Variants in C5orf34 observed in about 807,000 individuals in gnomAD.
C5orf34 encodes chromosome 5 open reading frame 34, also known as uncharacterized protein C5orf34.
A neutral mutation model predicts 78.4 loss-of-function variants in C5orf34; 73 were observed. The ratio of observed to expected loss-of-function variants is 0.93; its 90% confidence interval spans 0.77 to 1.13. The LOEUF (loss-of-function observed/expected upper bound fraction) is 1.13. C5orf34 is among the 50% of genes most tolerant of loss of function. The pLI is 0.00. For missense variants in C5orf34, 730 were observed against 732.7 expected, an observed-to-expected ratio of 1.00 and a Z score of 0.04; for synonymous variants, 251 against 246.6, an observed-to-expected ratio of 1.02 and a Z score of -0.17.
intron 6 of C5orf34, among the ~76,000 whole-genome samples, chr5:43,494,851 G>A (rs1259080996): frequency 6.6e-6 from 1 of 151,656 alleles, no homozygotes; most frequent in African/African-American, 2.4e-5. Context: ...CCATTAAAAA[G>A]TACTGATTTT....
At chr5:43,511,840 T>C (rs1368385431) in intron 1 of C5orf34, among the ~76,000 whole-genome samples, 1 of 152,100 alleles carries the variant, frequency 6.6e-6, no homozygotes, top group East Asian at 1.9e-4. Context: ...GCATGCTCGT[T>C]AAGAGTCATC....
intron 4 of C5orf34, among the ~76,000 whole-genome samples, chr5:43,504,568 A>G (rs72758658): frequency 1.3e-5 from 2 of 152,298 alleles, no homozygotes; most frequent in Non-Finnish European, 2.9e-5. Flanking sequence ...CAGCTGAGAG[A>G]GAAAGAGAAC....
chr5:43,497,702 G>T (rs1483933769), intron 6 of C5orf34, among the ~76,000 whole-genome samples: 5 of 152,186 alleles, frequency 3.3e-5, no homozygotes, highest in African/African-American at 1.2e-4. Flanking sequence ...TCCTGGGACA[G>T]AATTTAGCAT....
At chr5:43,505,460 C>A in intron 4 of C5orf34, 1 of 323,140 alleles carries the variant, frequency 3.1e-6, no homozygotes, top group East Asian at 5.0e-5. Flanking sequence ...GTGACCTTCA[C>A]TAGATTCTAA....
In C5orf34 at chr5:43,494,558, C is replaced by T; in HGVS notation, c.1196G>A (p.Arg399Lys). Reference protein sequence around the residue: ...TYSVNNLPPDRPGSPFTVGSL... With the variant: ...TYSVNNLPPDKPGSPFTVGSL... The stretch of plus-strand genomic sequence containing the variant: ...ACCGACAGTGAATGGACTTCCCGGT[C>T]TATCTGGAGGAAGGTTATTTACTGA... Residue 399 changes from arginine to lysine, a missense_variant, in exon 7 of 13, where the codon AGA becomes AAA. Transcript: ENST00000306862. 1 of 1,608,862 alleles carries T rather than the reference C, an allele frequency of 6.2e-7. No homozygotes were observed. The highest frequency in any genetic ancestry group is 8.5e-7 in the Non-Finnish European group (1 of 1,176,672).
Position 43,508,818 on chromosome 5 carries a change from GC to G in C5orf34, c.196-153del, listed in dbSNP as rs1433124947. On this transcript the variant is annotated intron_variant, in intron 2 of 12. Transcript: ENST00000306862. Reference sequence around the variant, plus strand: ...GTATTCAAAGAGTAGTTTTGGCCAGGCACGGTGGTTCACTCCTGTAATCCTG... The same window carrying G: ...GTATTCAAAGAGTAGTTTTGGCCAGGACGGTGGTTCACTCCTGTAATCCTG... 6 of 635,984 alleles carry G rather than the reference GC, an allele frequency of 9.4e-6. No homozygotes were observed. The Admixed American group carries it at 1.8e-4, about 19-fold the overall frequency. 39.4% of individuals were successfully genotyped at this position (635,984 alleles called of 1,614,324 possible).
chr5:43,509,114 A>G, intron 2 of C5orf34, 31 bp downstream of exon 2: 1 of 1,587,124 alleles, frequency 6.3e-7, no homozygotes, highest in Non-Finnish European at 8.6e-7. Flanking sequence ...CTAAAAAACA[A>G]AAAAGTTGTT....
At chr5:43,491,070 T>C (rs1297407800) in intron 10 of C5orf34, among the ~76,000 whole-genome samples, 1 of 152,178 alleles carries the variant, frequency 6.6e-6, no homozygotes, top group Non-Finnish European at 1.5e-5. Flanking sequence ...TTAAGTTTTA[T>C]CAAAAAATAT....
intron 6 of C5orf34, among the ~76,000 whole-genome samples, chr5:43,498,348 A>G (rs903538054): frequency 8.5e-5 from 13 of 152,160 alleles, no homozygotes; most frequent in Admixed American, 2.0e-4. Context: ...TTCACAATTT[A>G]ACCTCTCTGA....
intron 6 of C5orf34, among the ~76,000 whole-genome samples, chr5:43,498,176 C>T (rs1745618991): frequency 6.6e-6 from 1 of 152,178 alleles, no homozygotes; most frequent in African/African-American, 2.4e-5. Context: ...GTCTGTTTTG[C>T]TCATGTCTGT....
chr5:43,495,315 C>T (rs539021067), intron 6 of C5orf34: 82 of 1,611,258 alleles, frequency 5.1e-5, no homozygotes, highest in African/African-American at 8.0e-5. Flanking sequence ...TTACCAGAAC[C>T]GCGATCAATC....
At chr5:43,505,369 A>C (rs570563981) in intron 4 of C5orf34, among the ~76,000 whole-genome samples, 2 of 152,238 alleles carry the variant, frequency 1.3e-5, no homozygotes, top group Admixed American at 6.5e-5. Flanking sequence ...GAGCGGCAGC[A>C]GGTGCTCCCC....
Position 43,492,526 on chromosome 5 carries a change from C to T in C5orf34, c.1485+194G>A, listed in dbSNP as rs966201582. Among the ~76,000 whole-genome samples the T allele has an allele frequency of 3.3e-5, 5 of 152,210 alleles. No individual in the cohort carries two copies. In the South Asian group the frequency reaches 8.3e-4, roughly 25 times the overall value. Reference sequence around the variant, plus strand: ...AAATACTAATCCCTTTCTCTATAATCAGTTATCTTTAGAAAAGTGACTATT... The same window carrying T: ...AAATACTAATCCCTTTCTCTATAATTAGTTATCTTTAGAAAAGTGACTATT... On this transcript the variant is annotated intron_variant, in intron 9 of 12. Coordinates refer to ENST00000306862, the MANE Select transcript of C5orf34 (RefSeq NM_198566.4).
Position 43,512,483 on chromosome 5 carries a change from T to C in C5orf34, c.-37+2323A>G, listed in dbSNP as rs543091133. Among the ~76,000 whole-genome samples the C allele has an allele frequency of 7.9e-5, 12 of 152,366 alleles. No homozygotes were observed. In the South Asian group the frequency reaches 2.5e-3, roughly 32 times the overall value. On this transcript the variant is annotated intron_variant, in intron 1 of 12. Transcript: ENST00000306862. ...GACATTGTTTCGCAATGGTCGCCAA[T>C]GTCTTCTTATACCCAATGACTTTAG...
chr5:43,494,464 T>C, intron 7 of C5orf34, 46 bp downstream of exon 7: 1 of 1,246,902 alleles, frequency 8.0e-7, no homozygotes, highest in Non-Finnish European at 1.2e-6. Flanking sequence ...TGTGCCAAGA[T>C]GTTTAGACAC....
chr5:43,512,089 TA>T (rs1444387412), intron 1 of C5orf34, among the ~76,000 whole-genome samples: 2 of 150,680 alleles, frequency 1.3e-5, no homozygotes, highest in African/African-American at 2.4e-5. Context: ...TAGCTAGCTA[TA>T]AGTCTCAGGT....
Position 43,501,567 on chromosome 5 carries a change from G to A in C5orf34, c.1152+805C>T, listed in dbSNP as rs564853355. ...GGATTTACTTAAAAATAAACAGGGA[G>A]TGGAGGGAGAAGCAGGAAGTATAAA... is the stretch of plus-strand genomic sequence containing the variant. On this transcript the variant is annotated intron_variant, in intron 6 of 12. Coordinates refer to ENST00000306862, the MANE Select transcript of C5orf34 (RefSeq NM_198566.4). Among the ~76,000 whole-genome samples the A allele has an allele frequency of 3.9e-5, 6 of 152,322 alleles. No homozygotes were observed. The East Asian group carries it at 5.8e-4, about 15-fold the overall frequency.
intron 6 of C5orf34, chr5:43,495,821 C>G (rs1434997082): frequency 2.5e-6 from 4 of 1,582,654 alleles, no homozygotes; most frequent in Non-Finnish European, 3.5e-6. Flanking sequence ...GGCTTTCCAT[C>G]CCTTGAGCCA....
chr5:43,511,527 G>T (rs1746259547), intron 1 of C5orf34, among the ~76,000 whole-genome samples: 1 of 152,248 alleles, frequency 6.6e-6, no homozygotes, highest in Non-Finnish European at 1.5e-5. Context: ...CGTCTGGGAG[G>T]TGTACCCAAC....
Sources: allele counts gnomAD v4.1 joint callset (sites outside exome capture counted in the v4.1 genomes callset), GRCh38; gene constraint gnomAD v4.1.1; transcripts MANE v1.5; gene names NCBI Gene and HGNC (gene_info 2026-07-23, HGNC 2026-07-21).